MYO7A: variants seen among roughly 807,000 people sequenced by gnomAD.
MYO7A encodes myosin VIIA.
MYO7A carries 210 observed loss-of-function variants against 263.8 expected under a neutral mutation model. That is an observed-to-expected ratio of 0.80 (90% confidence interval 0.71 to 0.89). The LOEUF (loss-of-function observed/expected upper bound fraction) is 0.89. MYO7A is among the 40% of genes least tolerant of loss of function. The pLI, the probability that MYO7A is intolerant of heterozygous loss-of-function variation, is 0.00. For missense variants in MYO7A, 2,820 were observed against 2,968.3 expected (o/e 0.95, Z 1.16); for synonymous variants, 1,239 against 1,197.3 (o/e 1.03, Z -0.72).
At chr11:77,179,596 C>G (rs1591371005) in intron 20 of MYO7A, 139 bp from the exon 21 acceptor site, 1 of 697,378 alleles carries the variant, frequency 1.4e-6, no homozygotes, top group Non-Finnish European at 2.3e-6. Context: ...TGGGGGGGCA[C>G]TAATCTGAGA....
chr11:77,158,429 G>T lies in MYO7A; in HGVS notation c.1002G>T (p.Glu334Asp). Residue 334 changes from glutamate to aspartate, a missense_variant and splice_region_variant, in exon 9 of 49, where the codon GAG becomes GAT. Glu to Asp is a conservative substitution (Grantham distance 45). Coordinates refer to ENST00000409709, the MANE Select transcript of MYO7A (RefSeq NM_000260.4). Reference protein sequence around the residue: ...AILHLGNLQYEARTFENLDAC... With the variant: ...AILHLGNLQYDARTFENLDAC... ...TGCACCTGGGCAACCTGCAGTATGA[G>T]GGTGAGGCTGCGCCACACTCGCCCT... The T allele has an allele frequency of 6.2e-7, 1 of 1,611,046 alleles. No individual in the cohort carries two copies. The highest frequency in any genetic ancestry group is 1.1e-5 in the South Asian group (1 of 91,002).
rs565236240 is a variant in MYO7A at position 77,132,584 on chromosome 11, G to A, written c.18+1932G>A. Among the ~76,000 whole-genome samples the A allele has an allele frequency of 1.1e-4, 16 of 152,212 alleles. No homozygotes were observed. In the East Asian group the frequency reaches 2.9e-3, roughly 28 times the overall value. On this transcript the variant is annotated intron_variant, in intron 2 of 48. Transcript: ENST00000409709. ...GCTCACTGCAACCTTCGACTCCCTG[G>A]TTCAAGCAATTCTCCTGCCTCAGCC...
At chr11:77,149,254 G>T (rs1292276278) in intron 4 of MYO7A, among the ~76,000 whole-genome samples, 1 of 152,182 alleles carries the variant, frequency 6.6e-6, no homozygotes, top group Non-Finnish European at 1.5e-5. Context: ...TGCAGGGCTG[G>T]CCTGATTATC....
intron 14 of MYO7A, 127 bp downstream of exon 14, chr11:77,163,115 T>C: frequency 9.7e-7 from 1 of 1,029,432 alleles, no homozygotes; most frequent in Non-Finnish European, 1.4e-6. Flanking sequence ...TATATATATA[T>C]ATATGAACTT....
intron 31 of MYO7A, among the ~76,000 whole-genome samples, chr11:77,193,557 GGT>G (rs1304268987): frequency 1.3e-5 from 2 of 152,022 alleles, no homozygotes; most frequent in South Asian, 2.1e-4. Flanking sequence ...AGGTAGTGGT[GGT>G]AGTTTTGTTG....
chr11:77,177,523 C>T (rs375760167), intron 18 of MYO7A, 26 bp from the exon 19 acceptor site: 131 of 1,576,778 alleles, frequency 8.3e-5, no homozygotes, highest in African/African-American at 1.2e-4. Context: ...CCTTGTGGGG[C>T]GCTGCTCAGG....
At chr11:77,157,723 TATGTGTGTGTGC>T (rs1430029182) in intron 8 of MYO7A, among the ~76,000 whole-genome samples, 2 of 152,194 alleles carry the variant, frequency 1.3e-5, no homozygotes, top group Admixed American at 1.3e-4. Context: ...CTGAAGCGTA[TATGTGTGTGTGC>T]ATGTGTGTGT....
At chr11:77,143,559 C>T (rs940597923) in intron 3 of MYO7A, among the ~76,000 whole-genome samples, 1 of 152,184 alleles carries the variant, frequency 6.6e-6, no homozygotes, top group Admixed American at 6.5e-5. Flanking sequence ...GGCTGGTTCA[C>T]GTGAGGGCCC....
intron 18 of MYO7A, among the ~76,000 whole-genome samples, chr11:77,176,057 C>T (rs565072788): frequency 2.0e-4 from 30 of 152,270 alleles, no homozygotes; most frequent in African/African-American, 5.8e-4. Flanking sequence ...AGGGACAGTG[C>T]GAGCTCCCAG....
chr11:77,198,416 T>TGCCTG, intron 33 of MYO7A, 79 bp from the exon 34 acceptor site: 1 of 1,563,358 alleles, frequency 6.4e-7, no homozygotes, highest in Non-Finnish European at 8.7e-7. Context: ...TATTGCCACC[T>TGCCTG]GCCTGGCCGT....
At position 77,160,156 on chromosome 11, in the gene MYO7A, G is replaced by C; in HGVS notation, c.1081-7G>C. On this transcript the variant is annotated splice_polypyrimidine_tract_variant and splice_region_variant and intron_variant, in intron 10 of 48. Transcript: ENST00000409709. ...CAGGTGAGCACCTGGGGTGTTGCCT[G>C]TACCAGGTGAACCCCCCAGACCTGA... The C allele has an allele frequency of 6.4e-7, 1 of 1,553,976 alleles. No individual in the cohort carries two copies. The highest frequency in any genetic ancestry group is 8.7e-7 in the Non-Finnish European group (1 of 1,149,458).
At chr11:77,197,380 G>C in intron 32 of MYO7A, 101 bp from the exon 33 acceptor site, 1 of 846,102 alleles carries the variant, frequency 1.2e-6, no homozygotes, top group South Asian at 1.7e-5. Flanking sequence ...GGAGGTGCAG[G>C]AGCCCCAGGC....
chr11:77,134,074 C>T (rs191879259), intron 2 of MYO7A, among the ~76,000 whole-genome samples: 94 of 152,008 alleles, frequency 6.2e-4, no homozygotes, highest in African/African-American at 2.1e-3. Context: ...GGATTACAAG[C>T]GTGCACCACC....
At chr11:77,190,955 G>T in intron 30 of MYO7A, 85 bp downstream of exon 30, 1 of 1,402,764 alleles carries the variant, frequency 7.1e-7, no homozygotes, top group Non-Finnish European at 9.6e-7. Context: ...CTACTTGCCG[G>T]GGCTATTCAC....
rs781087274 is a variant in MYO7A at position 77,199,774 on chromosome 11, A to G, written c.4808A>G (p.Lys1603Arg). The G allele has an allele frequency of 2.5e-6, 4 of 1,610,514 alleles. No individual in the cohort carries two copies. The highest frequency in any genetic ancestry group is 3.4e-6 in the Non-Finnish European group (4 of 1,177,408). The change falls in exon 35 of 49, where the codon AAG (lysine) becomes AGG (arginine). Residue 1603 changes from lysine to arginine, a missense_variant. By Grantham distance (26) the Lys-to-Arg change is conservative (BLOSUM62 2). Transcript: ENST00000409709. Reference sequence around the variant, plus strand: ...GTCACCTTCCTAGAGGGGCTCCGGAAGAGATCTAAGTATGTTGTGGCCCTG... The same window carrying G: ...GTCACCTTCCTAGAGGGGCTCCGGAGGAGATCTAAGTATGTTGTGGCCCTG... The part of the protein sequence containing the change: ...LVVTFLEGLR[K>R]RSKYVVALQD...
At chr11:77,210,460 A>G (rs1192887612) in intron 44 of MYO7A, among the ~76,000 whole-genome samples, 1 of 152,114 alleles carries the variant, frequency 6.6e-6, no homozygotes, top group African/African-American at 2.4e-5. Flanking sequence ...GTAGATGTGT[A>G]GGTAGATAGA....
rs1555084768 is a variant in MYO7A at position 77,181,959 on chromosome 11, G to T, written c.2913G>T (p.Glu971Asp). The T allele has an allele frequency of 1.9e-6, 3 of 1,613,050 alleles. No homozygotes were observed. Among genetic ancestry groups the T allele is most frequent in the African/African-American group, 2.7e-5 (2 of 74,820 alleles). Residue 971 changes from glutamate to aspartate, a missense_variant, in exon 24 of 49, where the codon GAG becomes GAT. By Grantham distance (45) the Glu-to-Asp change is conservative (BLOSUM62 2). Coordinates refer to ENST00000409709, the MANE Select transcript of MYO7A (RefSeq NM_000260.4). ...GQAPSGFEDL[E>D]RGRREMVEED... ...CCTCTTGTCTCCTTCAGGACCTGGA[G>T]CGAGGGCGGAGGGAGATGGTGGAGG...
chr11:77,141,772 C>A (rs574408819), intron 2 of MYO7A, among the ~76,000 whole-genome samples: 3 of 152,204 alleles, frequency 2.0e-5, no homozygotes, highest in Non-Finnish European at 4.4e-5. Context: ...CTCAGCGATT[C>A]CCTCCATGGA....
rs781843594 is a variant in MYO7A, at chr11:77,162,919, C to G, written c.1621C>G (p.Pro541Ala). ...QHKLNANYIP[P>A]KNNHETQFGI... is the part of the protein sequence containing the mutation. ...CAAGCTCAACGCCAACTACATCCCC[C>G]CCAAGAACAACCATGAGACCCAGTT... The change falls in exon 14 of 49, where the codon CCC (proline) becomes GCC (alanine). Residue 541 changes from proline (P) to alanine (A), a missense_variant. Pro to Ala is a conservative substitution (Grantham distance 27). Coordinates refer to ENST00000409709, the MANE Select transcript of MYO7A (RefSeq NM_000260.4). 6.8e-6 allele frequency: 11 copies of G among 1,613,734 alleles called. No individual in the cohort carries two copies. The highest frequency in any genetic ancestry group is 1.1e-5 in the South Asian group (1 of 91,068).
Sources: gnomAD v4.1 joint callset for allele counts (sites outside exome capture counted in the v4.1 genomes callset) on GRCh38, gnomAD v4.1.1 for gene constraint, MANE v1.5 for transcripts, NCBI Gene and HGNC (gene_info 2026-07-23, HGNC 2026-07-21) for gene names.